CLINT1: variants seen among roughly 807,000 people sequenced by gnomAD.
CLINT1 encodes clathrin interactor 1, also known as clathrin interacting protein localized in the trans-Golgi region.
CLINT1 carries 15 observed loss-of-function variants against 70.4 expected under a neutral mutation model. The ratio of observed to expected loss-of-function variants is 0.21; its 90% CI spans 0.14 to 0.33. CLINT1 has a LOEUF of 0.33. Ranked by LOEUF, CLINT1 falls within the 10% of genes least tolerant of loss-of-function variation. CLINT1 has a pLI of 1.00. For missense variants in CLINT1, 615 were observed against 778.1 expected (o/e 0.79, Z 2.49); for synonymous variants, 227 against 254.7 (o/e 0.89, Z 1.04).
At chr5:157,851,151 CA>C (rs1753559593) in intron 1 of CLINT1, among the ~76,000 whole-genome samples, 1 of 151,966 alleles carries the variant, frequency 6.6e-6, no homozygotes. Flanking sequence ...AACAAACAAA[CA>C]AACAAAAAAC....
chr5:157,846,909 G>A (rs151201333), intron 1 of CLINT1, among the ~76,000 whole-genome samples: 1 of 152,274 alleles, frequency 6.6e-6, no homozygotes, highest in African/African-American at 2.4e-5. Flanking sequence ...ATTATTTTAA[G>A]CCCACTGTTG....
intron 11 of CLINT1, among the ~76,000 whole-genome samples, chr5:157,788,705 C>T (rs11134957): frequency 0.13 from 19,409 of 152,110 alleles, 1,725 homozygotes; most frequent in African/African-American, 0.25. Context: ...CGGTGCCCCA[C>T]GCCTGTAATC....
intron 10 of CLINT1, chr5:157,790,541 G>C: frequency 2.5e-6 from 1 of 395,076 alleles, no homozygotes; most frequent in South Asian, 1.9e-5. Context: ...AAATAAAGTA[G>C]ACTGACTTTA....
In CLINT1 at chr5:157,787,497, C is replaced by A; in HGVS notation, c.*149G>T. The A allele has an allele frequency of 1.4e-6, 1 of 726,770 alleles. No individual in the cohort carries two copies. Among genetic ancestry groups the A allele is most frequent in the South Asian group, 1.9e-5 (1 of 53,756 alleles). The allele number at this position is 726,770 out of a possible 1,614,324, so 45.0% of individuals were successfully genotyped here. A position where few individuals can be genotyped will look rare whatever the true frequency, so the allele number is the denominator to read the frequency against. On this transcript the variant is annotated 3_prime_UTR_variant, in exon 12 of 12. Transcript: ENST00000411809. ...GCCCTCTGAAATACTGGATATTTCA[C>A]TTTTATAAAACAGCCTTTTTGGTTC...
intron 1 of CLINT1, among the ~76,000 whole-genome samples, chr5:157,826,515 AT>A (rs149117429): frequency 1.6e-3 from 242 of 148,128 alleles, no homozygotes; most frequent in African/African-American, 4.1e-3. Context: ...GCTTTCAGTC[AT>A]TTTTTTTTTT....
At chr5:157,806,547 C>G (rs557822715) in intron 6 of CLINT1, among the ~76,000 whole-genome samples, 8 of 152,218 alleles carry the variant, frequency 5.3e-5, no homozygotes, top group Non-Finnish European at 1.2e-4. Context: ...ACTTTTACAA[C>G]ACAATTCTGC....
At chr5:157,854,244 G>C (rs559861415) in intron 1 of CLINT1, among the ~76,000 whole-genome samples, 5 of 152,308 alleles carry the variant, frequency 3.3e-5, no homozygotes, top group African/African-American at 9.6e-5. Flanking sequence ...CATATTTGTA[G>C]TGGCAAGGTT....
intron 8 of CLINT1, among the ~76,000 whole-genome samples, chr5:157,801,763 A>G (rs1227125894): frequency 6.6e-6 from 1 of 152,192 alleles, no homozygotes; most frequent in Non-Finnish European, 1.5e-5. Context: ...AATAAAGTTC[A>G]TGCCTAATCC....
At chr5:157,819,606 T>C (rs1762821699) in intron 1 of CLINT1, among the ~76,000 whole-genome samples, 2 of 152,220 alleles carry the variant, frequency 1.3e-5, no homozygotes, top group Admixed American at 6.5e-5. Flanking sequence ...AAATGATGAA[T>C]TTCAGAATGC....
At chr5:157,824,816 A>G (rs1762985613) in intron 1 of CLINT1, among the ~76,000 whole-genome samples, 1 of 152,218 alleles carries the variant, frequency 6.6e-6, no homozygotes, top group Admixed American at 6.5e-5. Context: ...TCCAAAGCCC[A>G]TTTTCTATTA....
At chr5:157,853,714 T>C (rs1283465906) in intron 1 of CLINT1, among the ~76,000 whole-genome samples, 3 of 142,662 alleles carry the variant, frequency 2.1e-5, no homozygotes, top group Non-Finnish European at 4.5e-5. Context: ...GAGGCAGAGG[T>C]TGCAGTGAGC....
At chr5:157,849,359 T>C (rs1163789017) in intron 1 of CLINT1, among the ~76,000 whole-genome samples, 1 of 152,160 alleles carries the variant, frequency 6.6e-6, no homozygotes, top group South Asian at 2.1e-4. Flanking sequence ...TTTTTAGCAA[T>C]AAGATATTTT....
In CLINT1 at chr5:157,814,306, A is replaced by C. The variant is rs201574686; in HGVS notation, c.244-13T>G. ...GGAGCAGCAACGACTGCAAAAATAC[A>C]AAGCAATAAATGATTTAATGAAATA... On this transcript the variant is annotated splice_polypyrimidine_tract_variant and intron_variant, in intron 3 of 11. Coordinates refer to ENST00000411809, the MANE Select transcript of CLINT1 (RefSeq NM_014666.4). 65 of 1,538,300 alleles carry C rather than the reference A, an allele frequency of 4.2e-5. No individual in the cohort carries two copies. In the South Asian group the frequency reaches 4.4e-4, roughly 10 times the overall value.
chr5:157,804,908 CAA>C (rs753859465), intron 7 of CLINT1, among the ~76,000 whole-genome samples: 28 of 151,570 alleles, frequency 1.8e-4, no homozygotes, highest in Admixed American at 6.6e-5. Flanking sequence ...GCCTGGGCAA[CAA>C]GAGCGAAACT....
At position 157,786,660 on chromosome 5, in the gene CLINT1, C is replaced by T. The variant is rs937089640; in HGVS notation, c.*986G>A. On this transcript the variant is annotated 3_prime_UTR_variant, in exon 12 of 12. Coordinates refer to ENST00000411809, the MANE Select transcript of CLINT1 (RefSeq NM_014666.4). ...TTGCTAATGCTGCATTATATACACTCAAAACCAAAACAAAACAAATACTGT... is the reference window on the plus strand; with the variant it reads ...TTGCTAATGCTGCATTATATACACTTAAAACCAAAACAAAACAAATACTGT... 6.6e-6 allele frequency: 1 copy of T among 152,386 alleles called. No homozygotes were observed. Among genetic ancestry groups the T allele is most frequent in the Non-Finnish European group, 1.5e-5 (1 of 67,968 alleles). The allele number at this position is 152,386 out of a possible 1,614,324, so 9.4% of individuals were successfully genotyped here.
chr5:157,806,513 C>T (rs4704753), intron 6 of CLINT1, among the ~76,000 whole-genome samples: 20,347 of 152,098 alleles, frequency 0.13, 1,784 homozygotes, highest in African/African-American at 0.25. Flanking sequence ...TTGACATGGA[C>T]TGTGTGCAAA....
intron 9 of CLINT1, among the ~76,000 whole-genome samples, chr5:157,794,689 G>A (rs1215195740): frequency 6.6e-6 from 1 of 152,142 alleles, no homozygotes; most frequent in East Asian, 1.9e-4. Context: ...ATTTTCTTTA[G>A]ATGTACCTGA....
At chr5:157,834,099 T>C (rs1304329619) in intron 1 of CLINT1, among the ~76,000 whole-genome samples, 1 of 151,990 alleles carries the variant, frequency 6.6e-6, no homozygotes, top group Non-Finnish European at 1.5e-5. Context: ...CCTAGCACTT[T>C]GGGAGGCCAA....
At chr5:157,806,146 G>T in intron 6 of CLINT1, 34 bp from the exon 7 acceptor site, 1 of 1,601,210 alleles carries the variant, frequency 6.2e-7, no homozygotes, top group Non-Finnish European at 8.5e-7. Context: ...AAAATAATAA[G>T]ACGGGATTAT....
Sources: gnomAD v4.1 joint callset for allele counts (sites outside exome capture counted in the v4.1 genomes callset) on GRCh38, gnomAD v4.1.1 for gene constraint, MANE v1.5 for transcripts, NCBI Gene and HGNC (gene_info 2026-07-23, HGNC 2026-07-21) for gene names.